DDX24: variants seen among roughly 807,000 people sequenced by gnomAD.
DDX24 encodes the protein ATP-dependent RNA helicase DDX24.
A neutral mutation model predicts 68.9 loss-of-function variants in DDX24; 24 were observed. That is an observed-to-expected ratio of 0.35 (90% CI 0.25 to 0.49). The LOEUF is 0.49. Ranked by LOEUF, DDX24 falls within the 20% of genes least tolerant of loss-of-function variation. DDX24 has a pLI of 0.99. For synonymous variants in DDX24, 395 were observed against 385.2 expected, an observed-to-expected ratio of 1.03 and a Z score of -0.30; for missense variants, 989 against 1,039.0, an observed-to-expected ratio of 0.95 and a Z score of 0.66.
In DDX24 at chr14:94,065,952, T is replaced by C. The variant is rs114461968; in HGVS notation, c.719-3331A>G. ...GCAAAACTCCACAGAAAGAAGGCAT[T>C]CTCTAGCCAAATTCTGTAACAATTT... On this transcript the variant is annotated intron_variant, in intron 2 of 8. Transcript: ENST00000621632. Among the ~76,000 whole-genome samples, 1,121 of 152,198 alleles carry C rather than the reference T, an allele frequency of 7.4e-3. 10 individuals are homozygous for C. Among genetic ancestry groups the C allele is most frequent in the African/African-American group, 0.026 (1,069 of 41,506 alleles).
In DDX24 at chr14:94,062,391, C is replaced by T. The variant is rs1438370128; in HGVS notation, c.949G>A (p.Ala317Thr). Residue 317 changes from alanine to threonine, a missense_variant, in exon 3 of 9, where the codon GCC (alanine) becomes ACC (threonine). By Grantham distance (58) the Ala-to-Thr change is moderately conservative. Transcript: ENST00000621632. ...EALPSDIAAE[A>T]RAKTGGTVSD... ...ACAGTGCCTCCAGTCTTGGCTCTGGCCTCGGCTGCAATATCACTGGGCAGT... is the reference window on the plus strand; with the variant it reads ...ACAGTGCCTCCAGTCTTGGCTCTGGTCTCGGCTGCAATATCACTGGGCAGT... 1.9e-6 allele frequency: 3 copies of T among 1,614,198 alleles called. No homozygotes were observed. Among genetic ancestry groups the T allele is most frequent in the South Asian group, 2.2e-5 (2 of 91,082 alleles).
At position 94,051,047 on chromosome 14, in the gene DDX24, G is replaced by A; in HGVS notation, c.*144C>T. On this transcript the variant is annotated 3_prime_UTR_variant, in exon 9 of 9. Transcript: ENST00000621632. ...CCAAAACAATGCAAATCTGCATGAG[G>A]TCTCTCCCGCTATGGGTGTGAGTGG... 1.1e-6 allele frequency: 1 copy of A among 917,342 alleles called. No individual in the cohort carries two copies. Among genetic ancestry groups the A allele is most frequent in the Non-Finnish European group, 1.6e-6 (1 of 636,820 alleles). 56.8% of individuals were successfully genotyped at this position (917,342 alleles called of 1,614,324 possible). A position where few individuals can be genotyped will look rare whatever the true frequency, so the allele number is the denominator to read the frequency against.
intron 6 of DDX24, chr14:94,055,559 G>A (rs891899690): frequency 4.7e-6 from 1 of 211,550 alleles, no homozygotes. Flanking sequence ...ATGTGGCATG[G>A]TTGCTAACAC....
chr14:94,078,820 C>T (rs994847296), intron 2 of DDX24: 1 of 592,756 alleles, frequency 1.7e-6, no homozygotes, highest in African/African-American at 1.9e-5. Flanking sequence ...GTCTACAGAG[C>T]TGAGAGAGAT....
chr14:94,078,745 T>C (rs1178544341), intron 2 of DDX24, among the ~76,000 whole-genome samples: 1 of 152,232 alleles, frequency 6.6e-6, no homozygotes, highest in East Asian at 1.9e-4. Flanking sequence ...TAGTTTACTG[T>C]GGCATTTAAC....
At chr14:94,075,190 A>T (rs1885912526) in intron 2 of DDX24, among the ~76,000 whole-genome samples, 1 of 152,218 alleles carries the variant, frequency 6.6e-6, no homozygotes, top group South Asian at 2.1e-4. Flanking sequence ...AAAGGCCTAC[A>T]ACAGTCAAAA....
At position 94,051,143 on chromosome 14, in the gene DDX24, T is replaced by C. The variant is rs373461903; in HGVS notation, c.*48A>G. 80 of 1,478,504 alleles carry C rather than the reference T, an allele frequency of 5.4e-5. No homozygotes were observed. Among genetic ancestry groups the C allele is most frequent in the East Asian group, 5.1e-4 (21 of 40,884 alleles). 91.6% of individuals were successfully genotyped at this position (1,478,504 alleles called of 1,614,324 possible). A position where few individuals can be genotyped will look rare whatever the true frequency, so the allele number is the denominator to read the frequency against. On this transcript the variant is annotated 3_prime_UTR_variant, in exon 9 of 9. Transcript: ENST00000621632. ...ACAAGGGTGGGAGAGGTTTTGCAAA[T>C]AGCCAGAGAACAGAAACCAATGTGC...
At chr14:94,054,954 C>G (rs1298356043) in intron 7 of DDX24, 42 bp downstream of exon 7, 3 of 1,596,696 alleles carry the variant, frequency 1.9e-6, no homozygotes, top group African/African-American at 2.7e-5. Context: ...AAGGGAGCAG[C>G]ACAATCCCTT....
chr14:94,077,623 A>G (rs1360422907), intron 2 of DDX24, among the ~76,000 whole-genome samples: 3 of 152,234 alleles, frequency 2.0e-5, no homozygotes, highest in Non-Finnish European at 4.4e-5. Flanking sequence ...TTTCATCAAC[A>G]TAAAGCACTT....
intron 7 of DDX24, among the ~76,000 whole-genome samples, chr14:94,053,730 C>A (rs1885439301): frequency 6.6e-6 from 1 of 152,156 alleles, no homozygotes; most frequent in Non-Finnish European, 1.5e-5. Flanking sequence ...AGGAGAATCA[C>A]TTGAACCCGG....
chr14:94,071,512 G>C (rs1253491855), intron 2 of DDX24, among the ~76,000 whole-genome samples: 1 of 152,162 alleles, frequency 6.6e-6, no homozygotes, highest in Admixed American at 6.5e-5. Flanking sequence ...AGTCGGGCAT[G>C]GTGGCAGGCA....
Position 94,062,550 on chromosome 14 carries a change from C to T in DDX24, c.790G>A (p.Ala264Thr), listed in dbSNP as rs1282679266. The T allele has an allele frequency of 6.2e-7, 1 of 1,614,114 alleles. No individual in the cohort carries two copies. Among genetic ancestry groups the T allele is most frequent in the South Asian group, 1.1e-5 (1 of 91,072 alleles). The change falls in exon 3 of 9, where the codon GCC becomes ACC. Residue 264 changes from alanine (A) to threonine (T), a missense_variant. Coordinates refer to ENST00000621632, the MANE Select transcript of DDX24 (RefSeq NM_020414.4). ...GCTTCGGTGTTACTTGGAGGAGGGG[C>T]AGCATTCCTCTTCTGCCACTGCAAC... ...AVLQWQKRNA[A>T]PPPSNTEAPP... is the part of the protein sequence containing the mutation.
rs994397993 is a variant in DDX24 at position 94,079,207 on chromosome 14, G to C, written c.536C>G (p.Thr179Arg). The C allele has an allele frequency of 1.3e-5, 21 of 1,614,122 alleles. No individual in the cohort carries two copies. The highest frequency in any genetic ancestry group is 1.8e-5 in the Non-Finnish European group (21 of 1,180,060). The change falls in exon 2 of 9, where the codon ACA (threonine) becomes AGA (arginine). Residue 179 changes from threonine (T) to arginine (R), a missense_variant. Coordinates refer to ENST00000621632, the MANE Select transcript of DDX24 (RefSeq NM_020414.4). ...TAAKVPKKAK[T>R]WIPEVHDQKA... ...CTGATCATGAACTTCAGGAATCCAT[G>C]TCTTCGCTTTTTTGGGCACCTTGGC...
rs199679208 is a variant in DDX24 at position 94,053,135 on chromosome 14, G to T, written c.2179-8C>A. 2.5e-6 allele frequency: 4 copies of T among 1,613,840 alleles called. No individual in the cohort carries two copies. The highest frequency in any genetic ancestry group is 2.7e-5 in the African/African-American group (2 of 74,990). On this transcript the variant is annotated splice_region_variant and splice_polypyrimidine_tract_variant and intron_variant, in intron 7 of 8. Transcript: ENST00000621632. Reference sequence around the variant, plus strand: ...AGCTAAACGGATTCGCTCCTGGGGGGAAGTAACAGAAAATATTCATCTGAA... The same window carrying T: ...AGCTAAACGGATTCGCTCCTGGGGGTAAGTAACAGAAAATATTCATCTGAA...
rs768943952 is a variant in DDX24, at chr14:94,060,606, C to G, written c.1405G>C (p.Val469Leu). The G allele has an allele frequency of 8.7e-6, 14 of 1,612,634 alleles. No individual in the cohort carries two copies. The highest frequency in any genetic ancestry group is 1.0e-5 in the Non-Finnish European group (12 of 1,179,026). Residue 469 changes from valine to leucine, a missense_variant, in exon 5 of 9, where the codon GTA becomes CTA. Physicochemically the swap from Val to Leu is conservative, Grantham distance 32. Coordinates refer to ENST00000621632, the MANE Select transcript of DDX24 (RefSeq NM_020414.4). ...ACCATCCGGTCAGCCTCATCCACTA[C>G]CAGGCACCTGCAGATCCAGAGAGAC... ...LRNLRQLRCL[V>L]VDEADRMVEK...
At chr14:94,077,084 A>G (rs962870705) in intron 2 of DDX24, among the ~76,000 whole-genome samples, 7 of 152,260 alleles carry the variant, frequency 4.6e-5, no homozygotes, top group South Asian at 2.1e-4. Context: ...AATAAAGTAT[A>G]TAATACAAAA....
chr14:94,075,239 C>G (rs950980520), intron 2 of DDX24, among the ~76,000 whole-genome samples: 1 of 152,094 alleles, frequency 6.6e-6, no homozygotes, highest in African/African-American at 2.4e-5. Flanking sequence ...ACTCATACTA[C>G]CTGATTTTAA....
At chr14:94,061,156 C>T (rs1885589021) in intron 3 of DDX24, 90 bp from the exon 4 acceptor site, 4 of 1,438,776 alleles carry the variant, frequency 2.8e-6, no homozygotes, top group Non-Finnish European at 3.9e-6. Flanking sequence ...TTAGCAGAGA[C>T]AGACATCAGC....
At chr14:94,079,966 G>A (rs1282249079) in intron 1 of DDX24, among the ~76,000 whole-genome samples, 3 of 152,086 alleles carry the variant, frequency 2.0e-5, no homozygotes, top group East Asian at 3.9e-4. Flanking sequence ...AGACATATGA[G>A]CTAGACCTGG....
Sources: allele counts gnomAD v4.1 joint callset (sites outside exome capture counted in the v4.1 genomes callset), GRCh38; gene constraint gnomAD v4.1.1; transcripts MANE v1.5; gene names NCBI Gene and HGNC (gene_info 2026-07-23, HGNC 2026-07-21).